IL12RB2: variants seen among roughly 807,000 people sequenced by gnomAD.
IL12RB2 encodes interleukin-12 receptor subunit beta-2.
Under a neutral mutation model 89.4 loss-of-function variants are expected in IL12RB2, and 82 were observed. The observed-to-expected ratio is 0.92, with a 90% CI of 0.77 to 1.10. The LOEUF is 1.10. IL12RB2 is among the 50% of genes least tolerant of loss of function. The pLI, the probability that IL12RB2 is intolerant of heterozygous loss-of-function variation, is 0.00. For missense variants in IL12RB2, 963 were observed against 1,031.9 expected, an observed-to-expected ratio of 0.93 and a Z score of 0.92; for synonymous variants, 368 against 370.1, an observed-to-expected ratio of 0.99 and a Z score of 0.07.
chr1:67,315,595 G>GA (rs5774866), intron 2 of IL12RB2, among the ~76,000 whole-genome samples: 10 of 151,838 alleles, frequency 6.6e-5, no homozygotes, highest in African/African-American at 2.4e-4. Flanking sequence ...AGATTAACAG[G>GA]AAAAAAATAA....
chr1:67,326,506 TG>T (rs1657304782), intron 4 of IL12RB2, among the ~76,000 whole-genome samples: 1 of 152,220 alleles, frequency 6.6e-6, no homozygotes, highest in Non-Finnish European at 1.5e-5. Flanking sequence ...CACATAGCAC[TG>T]GGCTAGGCAT....
intron 1 of IL12RB2, among the ~76,000 whole-genome samples, chr1:67,309,878 A>G (rs1332648638): frequency 3.9e-5 from 6 of 152,126 alleles, no homozygotes; most frequent in Non-Finnish European, 8.8e-5. Context: ...TCCTACAAAT[A>G]AATTTGTGCA....
intron 10 of IL12RB2, among the ~76,000 whole-genome samples, chr1:67,362,735 C>T (rs1193841461): frequency 6.6e-6 from 1 of 151,954 alleles, no homozygotes; most frequent in African/African-American, 2.4e-5. Flanking sequence ...ATAAGGACTT[C>T]CCACATAAAG....
At chr1:67,350,522 T>C (rs1339586997) in intron 9 of IL12RB2, among the ~76,000 whole-genome samples, 4 of 152,270 alleles carry the variant, frequency 2.6e-5, no homozygotes, top group African/African-American at 9.6e-5. Flanking sequence ...GTGTAAACAG[T>C]AGAGCTGGAA....
Position 67,380,076 on chromosome 1 carries a change from C to T in IL12RB2, c.1808C>T (p.Ala603Val). The stretch of plus-strand genomic sequence containing the variant: ...GTCCTGTGGATGACAGCTCTGACAG[C>T]TGCTGGTGAAAGTTCCCACGGAAAT... ...TYVLWMTALT[A>V]AGESSHGNER... The change falls in exon 14 of 17, where the codon GCT becomes GTT. Residue 603 changes from alanine to valine, a missense_variant. By Grantham distance (64) the Ala-to-Val change is moderately conservative (BLOSUM62 0). Transcript: ENST00000674203. 1.9e-6 allele frequency: 3 copies of T among 1,614,140 alleles called. No homozygotes were observed. Among genetic ancestry groups the T allele is most frequent in the East Asian group, 4.5e-5 (2 of 44,890 alleles).
At chr1:67,331,021 TG>T in intron 8 of IL12RB2, among the ~76,000 whole-genome samples, 1 of 152,346 alleles carries the variant, frequency 6.6e-6, no homozygotes, top group Admixed American at 6.5e-5. Flanking sequence ...TTTTTAACAT[TG>T]GGTAAGTTCT....
intron 13 of IL12RB2, among the ~76,000 whole-genome samples, chr1:67,374,756 G>A (rs1056987451): frequency 1.4e-5 from 2 of 147,660 alleles, no homozygotes; most frequent in Non-Finnish European, 3.0e-5. Context: ...GATTACAGGC[G>A]TGAGCCACCC....
At chr1:67,346,848 G>A (rs529682147) in intron 9 of IL12RB2, among the ~76,000 whole-genome samples, 17 of 152,276 alleles carry the variant, frequency 1.1e-4, no homozygotes, top group South Asian at 1.0e-3. Flanking sequence ...TAAGCCAAGA[G>A]TCAAGATGAC....
At chr1:67,363,211 ATT>A (rs199805464) in intron 10 of IL12RB2, among the ~76,000 whole-genome samples, 4,368 of 97,138 alleles carry the variant, frequency 0.045, 89 homozygotes, top group South Asian at 0.067. Context: ...AATTATTCTT[ATT>A]TTTTTTTTTT....
intron 10 of IL12RB2, among the ~76,000 whole-genome samples, chr1:67,364,066 T>C (rs571135512): frequency 6.6e-6 from 1 of 152,316 alleles, no homozygotes; most frequent in South Asian, 2.1e-4. Flanking sequence ...AAGACCCAAC[T>C]ATAGTTGTCT....
chr1:67,395,432 C>A, intron 16 of IL12RB2, 115 bp from the exon 17 acceptor site: 1 of 1,593,362 alleles, frequency 6.3e-7, no homozygotes, highest in East Asian at 2.2e-5. Context: ...CCAACATGTT[C>A]CAGCCAGGGC....
chr1:67,383,975 C>T (rs1173828354), intron 14 of IL12RB2, among the ~76,000 whole-genome samples: 1 of 152,236 alleles, frequency 6.6e-6, no homozygotes, highest in Non-Finnish European at 1.5e-5. Context: ...ACTGCCTTCA[C>T]AGCTGGCATT....
In IL12RB2 at chr1:67,328,304, A is replaced by G. The variant is rs139446628; in HGVS notation, c.584A>G (p.Asn195Ser). The change falls in exon 6 of 17, where the codon AAT (asparagine) becomes AGT (serine). Residue 195 changes from asparagine (N) to serine (S), a missense_variant. Transcript: ENST00000674203. ...INLTPESPES[N>S]FTAKVTAVNS... ...CTCACCCCTGAATCACCTGAATCCAATTTCACAGCCAAGGTTACTGCTGTC... is the reference window on the plus strand; with the variant it reads ...CTCACCCCTGAATCACCTGAATCCAGTTTCACAGCCAAGGTTACTGCTGTC... 12 of 1,614,180 alleles carry G rather than the reference A, an allele frequency of 7.4e-6. No individual in the cohort carries two copies. Among genetic ancestry groups the G allele is most frequent in the South Asian group, 4.4e-5 (4 of 91,086 alleles).
chr1:67,385,673 T>C (rs1174034042), intron 14 of IL12RB2, among the ~76,000 whole-genome samples: 1 of 152,226 alleles, frequency 6.6e-6, no homozygotes, highest in Admixed American at 6.5e-5. Flanking sequence ...CCAATTCCAA[T>C]AAGTAGTAAA....
intron 11 of IL12RB2, among the ~76,000 whole-genome samples, chr1:67,370,018 T>C (rs1211862772): frequency 1.9e-5 from 2 of 105,116 alleles, no homozygotes; most frequent in Non-Finnish European, 4.5e-5. Flanking sequence ...TGAGACTCCA[T>C]CTGAAAAAAA....
At chr1:67,336,649 G>T (rs1658803910) in intron 8 of IL12RB2, among the ~76,000 whole-genome samples, 1 of 152,222 alleles carries the variant, frequency 6.6e-6, no homozygotes, top group East Asian at 1.9e-4. Context: ...GCAGGAAAAG[G>T]AAGTAATGAA....
chr1:67,312,348 A>G (rs1422330700), intron 1 of IL12RB2, among the ~76,000 whole-genome samples: 1 of 152,222 alleles, frequency 6.6e-6, no homozygotes, highest in Non-Finnish European at 1.5e-5. Context: ...CTATTCAAAG[A>G]AAGAAAAGAG....
intron 11 of IL12RB2, among the ~76,000 whole-genome samples, chr1:67,370,009 G>A (rs1347950713): frequency 4.5e-5 from 6 of 134,576 alleles, no homozygotes; most frequent in East Asian, 2.1e-4. Flanking sequence ...GTGACAGAGT[G>A]AGACTCCATC....
At chr1:67,348,374 C>G (rs1660463778) in intron 9 of IL12RB2, among the ~76,000 whole-genome samples, 1 of 152,084 alleles carries the variant, frequency 6.6e-6, no homozygotes, top group Admixed American at 6.5e-5. Flanking sequence ...TCAGGCTTGT[C>G]TATATAGGGA....
Sources: allele counts gnomAD v4.1 joint callset (sites outside exome capture counted in the v4.1 genomes callset), GRCh38; gene constraint gnomAD v4.1.1; transcripts MANE v1.5; gene names NCBI Gene and HGNC (gene_info 2026-07-23, HGNC 2026-07-21).